DYNC2H1: variants seen among roughly 807,000 people sequenced by gnomAD.
The protein encoded by DYNC2H1 is dynein cytoplasmic 2 heavy chain 1.
A neutral mutation model predicts 570.0 loss-of-function variants in DYNC2H1; 410 were observed. The ratio of observed to expected loss-of-function variants is 0.72; its 90% CI spans 0.66 to 0.78. The LOEUF (loss-of-function observed/expected upper bound fraction) is 0.78. Ranked by LOEUF, DYNC2H1 falls within the 30% of genes least tolerant of loss-of-function variation. The pLI, the probability that DYNC2H1 is intolerant of heterozygous loss-of-function variation, is 0.00. For missense variants in DYNC2H1, 4,865 were observed against 5,046.4 expected (o/e 0.96, Z 1.09); for synonymous variants, 1,688 against 1,677.6 (o/e 1.01, Z -0.15).
intron 83 of DYNC2H1, among the ~76,000 whole-genome samples, chr11:103,376,446 CT>C (rs936866937): frequency 1.3e-4 from 19 of 151,508 alleles, no homozygotes; most frequent in African/African-American, 2.4e-5. Context: ...GCCTTGTTTA[CT>C]TTTTTTTTCT....
At chr11:103,413,094 CT>C (rs1943148352) in intron 84 of DYNC2H1, among the ~76,000 whole-genome samples, 1 of 152,186 alleles carries the variant, frequency 6.6e-6, no homozygotes, top group Non-Finnish European at 1.5e-5. Flanking sequence ...TGCGTGTCAA[CT>C]TTGGGGAAAT....
chr11:103,144,909 C>A (rs1377656101), intron 18 of DYNC2H1, among the ~76,000 whole-genome samples: 3 of 150,954 alleles, frequency 2.0e-5, no homozygotes, highest in Non-Finnish European at 4.4e-5. Flanking sequence ...GAGACAGAGT[C>A]TTGCTGTGTC....
At chr11:103,442,714 G>A (rs919493806) in intron 85 of DYNC2H1, among the ~76,000 whole-genome samples, 1 of 152,030 alleles carries the variant, frequency 6.6e-6, no homozygotes, top group African/African-American at 2.4e-5. Flanking sequence ...AATCTTTCCC[G>A]AATTTCTATC....
intron 86 of DYNC2H1, 85 bp from the exon 87 acceptor site, chr11:103,456,190 T>G (rs1944779829): frequency 3.1e-6 from 3 of 969,834 alleles, no homozygotes; most frequent in Admixed American, 5.7e-5. Flanking sequence ...TAATTTTAAA[T>G]AAATAGGACT....
intron 87 of DYNC2H1, among the ~76,000 whole-genome samples, chr11:103,462,681 C>T (rs1390890041): frequency 6.6e-6 from 1 of 152,110 alleles, no homozygotes; most frequent in Non-Finnish European, 1.5e-5. Flanking sequence ...TGGGAATATT[C>T]AAAAGATGCT....
chr11:103,170,146 C>G lies in DYNC2H1; in HGVS notation c.5007C>G (p.Asp1669Glu). Residue 1669 changes from aspartate (D) to glutamate (E), a missense_variant, in exon 33 of 89, where the codon GAC becomes GAG. This residue lies in a region of DYNC2H1 where 1,936 missense variants were observed against 1,962.1 expected (regional missense o/e 0.99). Coordinates refer to ENST00000375735, the MANE Select transcript of DYNC2H1 (RefSeq NM_001377.3). The surrounding 1 kb of genome is among the most constrained non-coding windows in gnomAD (Gnocchi z 4.8). The part of the protein sequence containing the change: ...ASKLVYTPLT[D>E]KCYLTLTQAM... ...AACTGGTTTATACTCCACTGACAGA[C>G]AAGTGCTACTTAACTCTCACTCAAG... 1 of 1,612,958 alleles carries G rather than the reference C, an allele frequency of 6.2e-7. No homozygotes were observed. The highest frequency in any genetic ancestry group is 8.5e-7 in the Non-Finnish European group (1 of 1,179,394).
At chr11:103,455,074 A>G in intron 85 of DYNC2H1, 112 bp from the exon 86 acceptor site, 1 of 675,688 alleles carries the variant, frequency 1.5e-6, no homozygotes. Flanking sequence ...TTTTCTAGCT[A>G]CCATTTCAGA....
At chr11:103,246,963 A>G (rs1420739694) in intron 65 of DYNC2H1, among the ~76,000 whole-genome samples, 1 of 151,656 alleles carries the variant, frequency 6.6e-6, no homozygotes, top group Non-Finnish European at 1.5e-5. Flanking sequence ...AAAGCAAGGT[A>G]TACTTCTTCA....
intron 85 of DYNC2H1, among the ~76,000 whole-genome samples, chr11:103,442,229 T>C (rs2135770320): frequency 6.6e-6 from 1 of 152,182 alleles, no homozygotes; most frequent in Admixed American, 6.5e-5. Flanking sequence ...AGAAATACAC[T>C]GTAGTGAGAA....
rs200268681 is a variant in DYNC2H1, at chr11:103,479,162, A to T, written c.12833A>T (p.Asp4278Val). The T allele has an allele frequency of 1.0e-4, 166 of 1,613,458 alleles. No individual in the cohort carries two copies. Among genetic ancestry groups the T allele is most frequent in the Non-Finnish European group, 1.3e-4 (158 of 1,179,558 alleles). The change falls in exon 89 of 89, where the codon GAT becomes GTT. Residue 4278 changes from aspartate to valine, a missense_variant. Physicochemically the swap from Asp to Val is radical, Grantham distance 152. Coordinates refer to ENST00000375735, the MANE Select transcript of DYNC2H1 (RefSeq NM_001377.3). ...SLPVYTSAER[D>V]RVVTNIDVPC... ...CCTGTTTACACAAGTGCTGAAAGGG[A>T]TCGTGTGGTTACCAATATTGATGTT...
chr11:103,237,622 G>T (rs1231598911), intron 63 of DYNC2H1, among the ~76,000 whole-genome samples: 1 of 151,552 alleles, frequency 6.6e-6, no homozygotes, highest in Non-Finnish European at 1.5e-5. Flanking sequence ...GTAAATAAAT[G>T]TATTACATTA....
intron 17 of DYNC2H1, among the ~76,000 whole-genome samples, chr11:103,136,353 C>G (rs1202338501): frequency 6.6e-6 from 1 of 151,582 alleles, no homozygotes; most frequent in Non-Finnish European, 1.5e-5. Context: ...TTAGGTATAT[C>G]TCCTAATACT....
At chr11:103,380,235 A>ACC (rs1333078477) in intron 83 of DYNC2H1, among the ~76,000 whole-genome samples, 1 of 152,114 alleles carries the variant, frequency 6.6e-6, no homozygotes, top group Non-Finnish European at 1.5e-5. Context: ...ATAACTCACT[A>ACC]CCTTTGTACT....
rs1055132240 is a variant in DYNC2H1, at chr11:103,154,759, G to A, written c.3523G>A (p.Glu1175Lys). ...NWHDRLRKVE[E>K]HSVMTVKLQS... ...GCATGACAGATTAAGGAAGGTTGAA[G>A]AACATTCAGTGATGACAGTGAAATT... Residue 1175 changes from glutamate to lysine, a missense_variant, in exon 24 of 89, where the codon GAA becomes AAA. Glu to Lys is a moderately conservative substitution (Grantham distance 56). Coordinates refer to ENST00000375735, the MANE Select transcript of DYNC2H1 (RefSeq NM_001377.3). The A allele has an allele frequency of 6.4e-7, 1 of 1,568,266 alleles. No homozygotes were observed. Among genetic ancestry groups the A allele is most frequent in the African/African-American group, 1.4e-5 (1 of 73,924 alleles).
In DYNC2H1 at chr11:103,121,487, G is replaced by A. The variant is rs1159451413; in HGVS notation, c.1476G>A (p.Leu492=). The change falls in exon 10 of 89, where the codon TTG becomes TTA. Residue 492 remains leucine, a synonymous_variant. Transcript: ENST00000375735. The part of the protein sequence containing the change: ...VVNSIVWVRQ[L]ELKVDDTIKI... ...ACAGTATAGTTTGGGTTCGCCAGTT[G>A]GAATTGAAGGTATTTATTTTAATAA... The A allele has an allele frequency of 9.3e-6, 15 of 1,610,978 alleles. No individual in the cohort carries two copies. Among genetic ancestry groups the A allele is most frequent in the Non-Finnish European group, 1.3e-5 (15 of 1,178,818 alleles).
intron 12 of DYNC2H1, among the ~76,000 whole-genome samples, chr11:103,126,614 T>C (rs912357280): frequency 2.0e-5 from 3 of 151,396 alleles, no homozygotes; most frequent in African/African-American, 7.3e-5. Context: ...TGATATCAAG[T>C]TTCTCTGACT....
intron 53 of DYNC2H1, among the ~76,000 whole-genome samples, chr11:103,210,431 T>C (rs1863108985): frequency 1.3e-5 from 2 of 151,902 alleles, no homozygotes; most frequent in South Asian, 4.2e-4. Flanking sequence ...TTTATTTTTA[T>C]ACCATAGCTT....
At position 103,317,379 on chromosome 11, in the gene DYNC2H1, T is replaced by TC. The variant is rs1386319758; in HGVS notation, c.11725+760dup. Reference sequence around the variant, plus strand: ...AGTCACCTTGGATTCTTTTTTTTTTTCTCATCCTCAGACATCCAGTGCTTT... The same window carrying TC: ...AGTCACCTTGGATTCTTTTTTTTTTTCCTCATCCTCAGACATCCAGTGCTTT... On this transcript the variant is annotated intron_variant, in intron 80 of 88. Coordinates refer to ENST00000375735, the MANE Select transcript of DYNC2H1 (RefSeq NM_001377.3). Among the ~76,000 whole-genome samples, 9 of 151,982 alleles carry TC rather than the reference T, an allele frequency of 5.9e-5. No individual in the cohort carries two copies. The East Asian group carries it at 1.5e-3, about 26-fold the overall frequency.
intron 83 of DYNC2H1, among the ~76,000 whole-genome samples, chr11:103,387,073 C>T (rs1274428742): frequency 3.3e-5 from 5 of 152,146 alleles, no homozygotes; most frequent in African/African-American, 4.8e-5. Flanking sequence ...GAGGAATCGC[C>T]GTACTGACTT....
Sources: allele counts gnomAD v4.1 joint callset (sites outside exome capture counted in the v4.1 genomes callset), GRCh38; gene constraint gnomAD v4.1.1; regional missense constraint gnomAD v4.1.1; non-coding constraint Gnocchi (gnomAD v3.1); transcripts MANE v1.5; gene names NCBI Gene and HGNC (gene_info 2026-07-23, HGNC 2026-07-21).